Variants in LIPT1 observed in about 807,000 individuals in gnomAD.
LIPT1 encodes the protein lipoyltransferase 1, also known as lipoyl amidotransferase LIPT1, mitochondrial.
LIPT1 carries 22 observed loss-of-function variants against 25.1 expected under a neutral mutation model. That is an observed-to-expected ratio of 0.88 (90% CI 0.63 to 1.25). The LOEUF (loss-of-function observed/expected upper bound fraction) is 1.25, where lower values mean the gene tolerates loss of function less well. Ranked by LOEUF, LIPT1 falls within the 50% of genes most tolerant of loss-of-function variation. The pLI, the probability that LIPT1 is intolerant of heterozygous loss-of-function variation, is 0.00. For synonymous variants in LIPT1, 131 were observed against 150.8 expected (o/e 0.87, Z 0.96); for missense variants, 399 against 432.8 (o/e 0.92, Z 0.69).
chr2:99,161,609 G>A (rs1326995218), intron 1 of LIPT1: 2 of 172,502 alleles, frequency 1.2e-5, no homozygotes, highest in African/African-American at 4.8e-5. Flanking sequence ...AGGCCAAGGT[G>A]GGAGGACTGC....
chr2:99,157,770 T>C (rs144490284), intron 1 of LIPT1, among the ~76,000 whole-genome samples: 1 of 152,224 alleles, frequency 6.6e-6, no homozygotes, highest in Non-Finnish European at 1.5e-5. Context: ...TTCAGTCTTA[T>C]GTCGCAGGCC....
chr2:99,155,976 A>G (rs1416792894), intron 1 of LIPT1, among the ~76,000 whole-genome samples: 1 of 152,236 alleles, frequency 6.6e-6, no homozygotes, highest in Non-Finnish European at 1.5e-5. Flanking sequence ...GCTCATCTGA[A>G]TATCTGATAG....
chr2:99,161,294 ATATATATATAT>A (rs2093789639), intron 1 of LIPT1: 2 of 14,754 alleles, frequency 1.4e-4, no homozygotes, highest in African/African-American at 3.4e-4. Context: ...AAAAAAAAAT[ATATATATATAT>A]ATATATATAT....
rs1434517694 is a variant in LIPT1, at chr2:99,155,068, C to G, written c.-2+17C>G. 2.2e-6 allele frequency: 1 copy of G among 455,390 alleles called. No individual in the cohort carries two copies. Among genetic ancestry groups the G allele is most frequent in the Non-Finnish European group, 4.4e-6 (1 of 226,636 alleles). 28.2% of individuals were successfully genotyped at this position (455,390 alleles called of 1,614,324 possible). A position where few individuals can be genotyped will look rare whatever the true frequency, so the allele number is the denominator to read the frequency against. ...AAGCCGCAGGTGGGTGAAGCGGAAA[C>G]GCTTCAAACCGGGATGTTGCGGGCC... On this transcript the variant is annotated intron_variant, in intron 1 of 1. Transcript: ENST00000651691.
intron 1 of LIPT1, chr2:99,155,652 G>A (rs1289795292): frequency 4.8e-6 from 2 of 417,924 alleles, no homozygotes; most frequent in African/African-American, 2.1e-5. Flanking sequence ...GAACTTCAAA[G>A]GCTTGACACT....
chr2:99,162,400 C>A lies in LIPT1; in HGVS notation c.443C>A (p.Ala148Asp). ...GTCCAACCCCAGCTGGATGTGCAGG[C>A]TACCAAAAGATTTGACCTTTTACTT... ...NAVQPQLDVQ[A>D]TKRFDLLLDG... The change falls in exon 2 of 2, where the codon GCT becomes GAT. Residue 148 changes from alanine to aspartate, a missense_variant. Ala to Asp is a moderately radical substitution (Grantham distance 126). Coordinates refer to ENST00000651691, the MANE Select transcript of LIPT1 (RefSeq NM_145199.3). 6.2e-7 allele frequency: 1 copy of A among 1,613,944 alleles called. No individual in the cohort carries two copies. The highest frequency in any genetic ancestry group is 8.5e-7 in the Non-Finnish European group (1 of 1,179,984).
In LIPT1 at chr2:99,162,037, CA is replaced by C. The variant is rs1476237971; in HGVS notation, c.81del (p.Val28Ter). 6.2e-7 allele frequency: 1 copy of C among 1,613,736 alleles called. No individual in the cohort carries two copies. The highest frequency in any genetic ancestry group is 8.5e-7 in the Non-Finnish European group (1 of 1,179,800). Reference sequence around the variant, plus strand: ...GTCCCAGCAGCTGGCTTTAAAAAAACAGTAAAAAATGGGCTCATTTTACAGT... The same window carrying C: ...GTCCCAGCAGCTGGCTTTAAAAAAACGTAAAAAATGGGCTCATTTTACAGT... Reference protein sequence around the residue: ...CQVPAAGFKKTVKNGLILQSI... With the variant: ...CQVPAAGFKKXVKNGLILQSI... On this transcript the variant is annotated frameshift_variant, in exon 2 of 2. Transcript: ENST00000651691. LOFTEE classifies it high-confidence loss of function.
intron 1 of LIPT1, among the ~76,000 whole-genome samples, chr2:99,160,692 G>A (rs2093780440): frequency 6.6e-6 from 1 of 152,124 alleles, no homozygotes; most frequent in African/African-American, 2.4e-5. Context: ...ATATAAACCT[G>A]CATACTCCCA....
At chr2:99,155,253 C>G (rs766141427) in intron 1 of LIPT1, 2 of 367,994 alleles carry the variant, frequency 5.4e-6, no homozygotes, top group Non-Finnish European at 5.4e-6. Flanking sequence ...CGGTTGATCC[C>G]GAACACAGGA....
intron 1 of LIPT1, among the ~76,000 whole-genome samples, chr2:99,155,766 G>C (rs562590938): frequency 3.3e-4 from 51 of 152,366 alleles, no homozygotes; most frequent in African/African-American, 1.1e-3. Context: ...ACCTGTGCCA[G>C]ATGAATCCAC....
chr2:99,162,746 C>G lies in LIPT1; in HGVS notation c.789C>G (p.Ala263=). The stretch of plus-strand genomic sequence containing the variant: ...TGTTTCCTGGAATAAATAGCAAAGC[C>G]AAAGAACTGCAAACTTGGGAGTGGA... ...ETLFPGINSK[A]KELQTWEWIY... The change falls in exon 2 of 2, where the codon GCC becomes GCG. Residue 263 remains alanine, a synonymous_variant. Transcript: ENST00000651691. 6.2e-7 allele frequency: 1 copy of G among 1,614,004 alleles called. No individual in the cohort carries two copies. Among genetic ancestry groups the G allele is most frequent in the Non-Finnish European group, 8.5e-7 (1 of 1,179,974 alleles).
At chr2:99,158,281 T>G (rs1014791455) in intron 1 of LIPT1, among the ~76,000 whole-genome samples, 1 of 152,124 alleles carries the variant, frequency 6.6e-6, no homozygotes, top group Non-Finnish European at 1.5e-5. Flanking sequence ...ACATTCTCCA[T>G]GCTTAAAATC....
chr2:99,161,859 T>C lies in LIPT1; in HGVS notation c.-1-98T>C, dbSNP rs1484199806. ...CCAAAAGCAACTGCACTGGATACTT[T>C]AAGTTTGGATTAAATAACCGATAAT... On this transcript the variant is annotated intron_variant, in intron 1 of 1. Transcript: ENST00000651691. 24 of 1,131,334 alleles carry C rather than the reference T, an allele frequency of 2.1e-5. No homozygotes were observed. In the South Asian group the frequency reaches 2.7e-4, roughly 13 times the overall value. 70.1% of individuals were successfully genotyped at this position (1,131,334 alleles called of 1,614,324 possible). A position where few individuals can be genotyped will look rare whatever the true frequency, so the allele number is the denominator to read the frequency against.
intron 1 of LIPT1, among the ~76,000 whole-genome samples, chr2:99,157,131 T>A (rs1371383698): frequency 2.0e-5 from 3 of 152,254 alleles, no homozygotes; most frequent in Non-Finnish European, 4.4e-5. Context: ...ATTAAAAATT[T>A]AAGTCCTTAA....
chr2:99,155,832 TAAGG>T (rs1192846422), intron 1 of LIPT1, among the ~76,000 whole-genome samples: 2 of 152,306 alleles, frequency 1.3e-5, no homozygotes, highest in East Asian at 1.9e-4. Flanking sequence ...TCTCCTGAGT[TAAGG>T]AAGTGTCTTC....
chr2:99,156,677 A>T (rs1213786464), intron 1 of LIPT1: 1 of 152,240 alleles, frequency 6.6e-6, no homozygotes, highest in Non-Finnish European at 1.5e-5. Context: ...TGTTGAATTA[A>T]TACCTTTGTT....
chr2:99,159,567 TAAC>T (rs2105190150), intron 1 of LIPT1, among the ~76,000 whole-genome samples: 1 of 152,346 alleles, frequency 6.6e-6, no homozygotes, highest in Admixed American at 6.5e-5. Flanking sequence ...ACTTCCTGCT[TAAC>T]ACTTCAGTGG....
Position 99,162,182 on chromosome 2 carries a change from T to G in LIPT1, c.225T>G (p.Gly75=). 6.2e-7 allele frequency: 1 copy of G among 1,614,084 alleles called. No homozygotes were observed. Among genetic ancestry groups the G allele is most frequent in the South Asian group, 1.1e-5 (1 of 91,076 alleles). Residue 75 remains glycine (G), a synonymous_variant, in exon 2 of 2, where the codon GGT becomes GGG. Transcript: ENST00000651691. ...FWQNSPSVVI[G]RHQNPWQECN... The stretch of plus-strand genomic sequence containing the variant: ...AGAATTCTCCCTCTGTTGTAATTGG[T>G]AGGCATCAAAATCCTTGGCAGGAAT...
rs530442153 is a variant in LIPT1 at position 99,159,525 on chromosome 2, C to T, written c.-1-2432C>T. Among the ~76,000 whole-genome samples the T allele has an allele frequency of 3.9e-5, 6 of 152,314 alleles. No individual in the cohort carries two copies. In the East Asian group the frequency reaches 1.2e-3, roughly 29 times the overall value. On this transcript the variant is annotated intron_variant, in intron 1 of 1. Coordinates refer to ENST00000651691, the MANE Select transcript of LIPT1 (RefSeq NM_145199.3). ...TTTATTTAATCCATACTCAACCCTG[C>T]AGAGGCAGATTCGTATAACAGCTGA... is the stretch of plus-strand genomic sequence containing the variant.
Sources: allele counts gnomAD v4.1 joint callset (sites outside exome capture counted in the v4.1 genomes callset), GRCh38; gene constraint gnomAD v4.1.1; transcripts MANE v1.5; gene names NCBI Gene and HGNC (gene_info 2026-07-23, HGNC 2026-07-21).